Variants in NLRC3 observed in about 807,000 individuals in gnomAD.
The protein encoded by NLRC3 is NLR family CARD domain containing 3.
NLRC3 carries 87 observed loss-of-function variants against 91.6 expected under a neutral mutation model. The ratio of observed to expected loss-of-function variants is 0.95; its 90% confidence interval spans 0.80 to 1.14. The LOEUF is 1.14. NLRC3 is among the 50% of genes most tolerant of loss of function. NLRC3 has a pLI of 0.00. For synonymous variants in NLRC3, 694 were observed against 625.3 expected, an observed-to-expected ratio of 1.11 and a Z score of -1.64; for missense variants, 1,577 against 1,418.6, an observed-to-expected ratio of 1.11 and a Z score of -1.79.
chr16:3,551,094 T>TGTCCATCCACTCATCCACCC (rs570330050), intron 10 of NLRC3, among the ~76,000 whole-genome samples: 290 of 151,660 alleles, frequency 1.9e-3, no homozygotes, highest in African/African-American at 6.7e-3. Context: ...TCATTTCGTC[T>TGTCCATCCACTCATCCACCC]GTCCATCCAC....
chr16:3,542,625 C>T, intron 18 of NLRC3, 67 bp downstream of exon 18: 1 of 904,420 alleles, frequency 1.1e-6, no homozygotes, highest in Non-Finnish European at 1.8e-6. Flanking sequence ...CATTTTATTC[C>T]ATCAGGGAGG....
chr16:3,543,066 C>T (rs925566621), intron 17 of NLRC3: 4 of 503,058 alleles, frequency 8.0e-6, no homozygotes, highest in African/African-American at 7.7e-5. Context: ...TCCATCTGGG[C>T]AGGTCCCCAG....
intron 15 of NLRC3, chr16:3,545,020 C>T (rs1366016347): frequency 6.6e-6 from 1 of 152,392 alleles, no homozygotes; most frequent in Non-Finnish European, 1.5e-5. Flanking sequence ...CTAATTAGGG[C>T]TTTGTGTCAT....
intron 19 of NLRC3, 48 bp from the exon 20 acceptor site, chr16:3,541,963 T>G (rs1448458539): frequency 1.8e-6 from 2 of 1,130,690 alleles, no homozygotes; most frequent in Non-Finnish European, 2.7e-6. Context: ...AGGTTCTCTT[T>G]AGTAGAGCAG....
In NLRC3 at chr16:3,563,555, A is replaced by G. The variant is rs376079841; in HGVS notation, c.1382T>C (p.Phe461Ser). 82 of 1,611,658 alleles carry G rather than the reference A, an allele frequency of 5.1e-5. No individual in the cohort carries two copies. Among genetic ancestry groups the G allele is most frequent in the Non-Finnish European group, 6.6e-5 (78 of 1,179,210 alleles). Reference sequence around the variant, plus strand: ...GCCATAGTAATACGCGGCTGCCACAAACTCCTGCAGGGACAGGTGGGTGAA... The same window carrying G: ...GCCATAGTAATACGCGGCTGCCACAGACTCCTGCAGGGACAGGTGGGTGAA... ...YCFTHLSLQE[F>S]VAAAYYYGAS... Residue 461 changes from phenylalanine (F) to serine (S), a missense_variant, in exon 5 of 20, where the codon TTT becomes TCT. Phe to Ser is a radical substitution (Grantham distance 155). Transcript: ENST00000359128.
rs967234215 is a variant in NLRC3, at chr16:3,565,219, G to A, written c.-25+100C>T. 4.3e-6 allele frequency: 3 copies of A among 697,844 alleles called. No homozygotes were observed. In the African/African-American group the frequency reaches 5.3e-5, roughly 12 times the overall value. 43.2% of individuals were successfully genotyped at this position (697,844 alleles called of 1,614,324 possible). On this transcript the variant is annotated intron_variant, in intron 3 of 19. Coordinates refer to ENST00000359128, the MANE Select transcript of NLRC3 (RefSeq NM_178844.4). ...CCTGGCCTCTGAGAATGGACTGGAA[G>A]GGCCATTTGTTCCTGGGTGGTAGCA...
In NLRC3 at chr16:3,564,767, C is replaced by G. The variant is rs1366186548; in HGVS notation, c.179-9G>C. Reference sequence around the variant, plus strand: ...CCTCTGTATCCTTGAGTCTGCGGGACAGAGGCCAGTGGGGAGGTCTGGTAA... The same window carrying G: ...CCTCTGTATCCTTGAGTCTGCGGGAGAGAGGCCAGTGGGGAGGTCTGGTAA... On this transcript the variant is annotated splice_polypyrimidine_tract_variant and intron_variant, in intron 4 of 19. Transcript: ENST00000359128. This position sits in a 1 kb window ranked among gnomAD's most constrained non-coding sequence, Gnocchi z 5.9. The G allele has an allele frequency of 3.2e-6, 5 of 1,571,062 alleles. No homozygotes were observed. Among genetic ancestry groups the G allele is most frequent in the African/African-American group, 1.3e-5 (1 of 74,512 alleles).
chr16:3,561,664 ACCATAGGCAC>A lies in NLRC3; in HGVS notation c.2015+28_2015+37del, dbSNP rs758212831. 21 of 1,416,300 alleles carry A rather than the reference ACCATAGGCAC, an allele frequency of 1.5e-5. 1 individual carries two copies. Among genetic ancestry groups the A allele is most frequent in the Non-Finnish European group, 1.9e-5 (19 of 1,000,128 alleles). 87.7% of individuals were successfully genotyped at this position (1,416,300 alleles called of 1,614,324 possible). A position where few individuals can be genotyped will look rare whatever the true frequency, so the allele number is the denominator to read the frequency against. On this transcript the variant is annotated intron_variant, in intron 6 of 19. Coordinates refer to ENST00000359128, the MANE Select transcript of NLRC3 (RefSeq NM_178844.4). ...GGAAGAGGGTTCCATACCCCACAAG[ACCATAGGCAC>A]CCTGGAGGTCCCCTGGGTCTGTGTT...
rs376783851 is a variant in NLRC3 at position 3,564,031 on chromosome 16, G to C, written c.906C>G (p.Phe302Leu). 4.3e-6 allele frequency: 7 copies of C among 1,611,198 alleles called. No individual in the cohort carries two copies. The highest frequency in any genetic ancestry group is 2.2e-5 in the South Asian group (2 of 91,094). Residue 302 changes from phenylalanine (F) to leucine (L), a missense_variant, in exon 5 of 20, where the codon TTC (phenylalanine) becomes TTG (leucine). Phe to Leu is a conservative substitution (Grantham distance 22). Coordinates refer to ENST00000359128, the MANE Select transcript of NLRC3 (RefSeq NM_178844.4). This position sits in a 1 kb window ranked among gnomAD's most constrained non-coding sequence, Gnocchi z 5.9. Reference sequence around the variant, plus strand: ...AGCCCAGAAGGGCCTGGTCCTCGGGGAACATCTGCTCCAAACACACCTTGA... The same window carrying C: ...AGCCCAGAAGGGCCTGGTCCTCGGGCAACATCTGCTCCAAACACACCTTGA... ...EEIKVCLEQM[F>L]PEDQALLGWM...
intron 8 of NLRC3, 82 bp from the exon 9 acceptor site, chr16:3,554,407 C>T: frequency 2.9e-6 from 3 of 1,020,452 alleles, no homozygotes; most frequent in Non-Finnish European, 3.0e-6. Flanking sequence ...AGTGGGGGCA[C>T]CTCTGTGGAG....
At position 3,548,140 on chromosome 16, in the gene NLRC3, G is replaced by C. The variant is rs1223770908; in HGVS notation, c.2766C>G (p.Ser922Arg). Residue 922 changes from serine to arginine, a missense_variant, in exon 15 of 20, where the codon AGC (serine) becomes AGG (arginine). By Grantham distance (110) the Ser-to-Arg change is moderately radical. Coordinates refer to ENST00000359128, the MANE Select transcript of NLRC3 (RefSeq NM_178844.4). ...QALQLNRSLT[S>R]LDLQENAIGD... ...CCCTGGGCAGGCCAACTTACTCTAA[G>C]CTGGTGAGGCTCCTGTTGAGCTGTA... 6.3e-7 allele frequency: 1 copy of C among 1,583,468 alleles called. No homozygotes were observed. The highest frequency in any genetic ancestry group is 8.6e-7 in the Non-Finnish European group (1 of 1,164,596).
chr16:3,570,339 A>G (rs1023741477), intron 1 of NLRC3, among the ~76,000 whole-genome samples: 1 of 152,228 alleles, frequency 6.6e-6, no homozygotes, highest in African/African-American at 2.4e-5. Flanking sequence ...TGATATAAAC[A>G]TATGATTTAT....
chr16:3,563,287 C>A lies in NLRC3; in HGVS notation c.1650G>T (p.Leu550=), dbSNP rs1171967693. Residue 550 remains leucine (L), a synonymous_variant, in exon 5 of 20, where the codon CTG becomes CTT. Transcript: ENST00000359128. Reference sequence around the variant, plus strand: ...CGGCATCGGGGCGCAGGCAGCCCTGCAGGAGCTCAGCCACCTGGGTCCGGT... The same window carrying A: ...CGGCATCGGGGCGCAGGCAGCCCTGAAGGAGCTCAGCCACCTGGGTCCGGT... ...QAYRTQVAEL[L]QGCLRPDAAV... The A allele has an allele frequency of 2.5e-6, 4 of 1,603,176 alleles. No homozygotes were observed. The highest frequency in any genetic ancestry group is 2.6e-6 in the Non-Finnish European group (3 of 1,175,992).
At chr16:3,576,853 A>G (rs961092023) in intron 1 of NLRC3, among the ~76,000 whole-genome samples, 1 of 152,056 alleles carries the variant, frequency 6.6e-6, no homozygotes, top group Non-Finnish European at 1.5e-5. Flanking sequence ...TATTTTTAGT[A>G]GAGATGGGGT....
At chr16:3,551,416 A>G (rs893513613) in intron 10 of NLRC3, among the ~76,000 whole-genome samples, 1 of 145,488 alleles carries the variant, frequency 6.9e-6, no homozygotes, top group African/African-American at 2.6e-5. Flanking sequence ...CCACCCATCT[A>G]TTCACCCATT....
chr16:3,568,074 C>G (rs1031725273), intron 1 of NLRC3, among the ~76,000 whole-genome samples: 1 of 152,016 alleles, frequency 6.6e-6, no homozygotes, highest in Non-Finnish European at 1.5e-5. Flanking sequence ...CCTTGCTCAC[C>G]GGGCTGGTCT....
chr16:3,563,672 G>T lies in NLRC3; in HGVS notation c.1265C>A (p.Ala422Glu), dbSNP rs757475614. Residue 422 changes from alanine to glutamate, a missense_variant, in exon 5 of 20, where the codon GCG becomes GAG. Coordinates refer to ENST00000359128, the MANE Select transcript of NLRC3 (RefSeq NM_178844.4). ...CAGCAGAGCGAGGTCTACACCAAAC[G>T]CCTTCATGTCTTGCTCGTAAAACAC... Reference protein sequence around the residue: ...KYVFYEQDMKAFGVDLALLQG... With the variant: ...KYVFYEQDMKEFGVDLALLQG... 1.2e-6 allele frequency: 2 copies of T among 1,613,596 alleles called. No homozygotes were observed. The highest frequency in any genetic ancestry group is 1.3e-5 in the African/African-American group (1 of 74,928).
At position 3,564,058 on chromosome 16, in the gene NLRC3, C is replaced by A. The variant is rs77715106; in HGVS notation, c.879G>T (p.Glu293Asp). The change falls in exon 5 of 20, where the codon GAG (glutamate) becomes GAT (aspartate). Residue 293 changes from glutamate to aspartate, a missense_variant. Transcript: ENST00000359128. The surrounding 1 kb of genome is among the most constrained non-coding windows in gnomAD (Gnocchi z 5.9). ...ACATCTGCTCCAAACACACCTTGAT[C>A]TCCTCCTCGTTAAAGCCCCGGATCT... ...MTEIRGFNEEEIKVCLEQMFP... is the reference protein window; with the variant it reads ...MTEIRGFNEEDIKVCLEQMFP... 1.6e-3 allele frequency: 2,604 copies of A among 1,612,920 alleles called. 37 individuals are homozygous for A. The African/African-American group carries it at 0.031, about 19-fold the overall frequency.
chr16:3,547,472 G>T (rs1198214389), intron 15 of NLRC3, among the ~76,000 whole-genome samples: 1 of 151,072 alleles, frequency 6.6e-6, no homozygotes, highest in African/African-American at 2.5e-5. Context: ...AATTGATTGT[G>T]ATGATTGCAT....
Sources: gnomAD v4.1 joint callset for allele counts (sites outside exome capture counted in the v4.1 genomes callset) on GRCh38, gnomAD v4.1.1 for gene constraint, Gnocchi (gnomAD v3.1) non-coding constraint, MANE v1.5 for transcripts, NCBI Gene and HGNC (gene_info 2026-07-23, HGNC 2026-07-21) for gene names.